Variants in RABGAP1L observed in about 807,000 individuals in gnomAD.
RABGAP1L encodes the protein RAB GTPase activating protein 1 like.
Under a neutral mutation model 137.7 loss-of-function variants are expected in RABGAP1L, and 63 were observed. The ratio of observed to expected loss-of-function variants is 0.46; its 90% CI spans 0.37 to 0.56. RABGAP1L has a LOEUF of 0.56. Among genes scored for constraint, RABGAP1L ranks in the 20% least tolerant of loss-of-function variants. The pLI, the probability that RABGAP1L is intolerant of heterozygous loss-of-function variation, is 0.00. For synonymous variants in RABGAP1L, 431 were observed against 433.7 expected, an observed-to-expected ratio of 0.99 and a Z score of 0.08; for missense variants, 1,095 against 1,244.0, an observed-to-expected ratio of 0.88 and a Z score of 1.80.
At chr1:174,675,016 A>C (rs1677502714) in intron 14 of RABGAP1L, among the ~76,000 whole-genome samples, 2 of 151,798 alleles carry the variant, frequency 1.3e-5, no homozygotes, top group South Asian at 4.1e-4. Flanking sequence ...AGGTTGCAAA[A>C]ATTTTCTCCC....
At chr1:174,623,235 A>G (rs1672675045) in intron 13 of RABGAP1L, among the ~76,000 whole-genome samples, 1 of 152,190 alleles carries the variant, frequency 6.6e-6, no homozygotes, top group Non-Finnish European at 1.5e-5. Context: ...TGATACGTAT[A>G]TCTAAATAGA....
At chr1:174,318,868 CCTT>C (rs1174934518) in intron 11 of RABGAP1L, among the ~76,000 whole-genome samples, 3 of 151,732 alleles carry the variant, frequency 2.0e-5, no homozygotes, top group Non-Finnish European at 4.4e-5. Context: ...CACTTCATCT[CCTT>C]CTCCCATATT....
chr1:174,751,542 C>T (rs1345999152), intron 17 of RABGAP1L, among the ~76,000 whole-genome samples: 3 of 152,184 alleles, frequency 2.0e-5, no homozygotes, highest in Non-Finnish European at 2.9e-5. Context: ...CATTTTGTAG[C>T]AAACATTTCT....
intron 1 of RABGAP1L, among the ~76,000 whole-genome samples, chr1:174,203,451 G>T (rs1464273290): frequency 1.3e-5 from 2 of 152,192 alleles, no homozygotes; most frequent in Middle Eastern, 3.4e-3. Context: ...TCTCTATTTT[G>T]TTCCATTGGT....
intron 13 of RABGAP1L, among the ~76,000 whole-genome samples, chr1:174,461,482 T>C (rs1371257456): frequency 6.6e-6 from 1 of 152,226 alleles, no homozygotes; most frequent in East Asian, 1.9e-4. Context: ...TCTTTATGTC[T>C]TTTACATCTC....
chr1:174,160,380 A>G (rs1664342449), intron 1 of RABGAP1L, among the ~76,000 whole-genome samples: 1 of 152,186 alleles, frequency 6.6e-6, no homozygotes, highest in South Asian at 2.1e-4. Context: ...AGGGCTGGGC[A>G]GTGCGTCAGC....
intron 19 of RABGAP1L, among the ~76,000 whole-genome samples, chr1:174,918,388 C>T (rs186870389): frequency 4.6e-4 from 70 of 152,238 alleles, no homozygotes; most frequent in Admixed American, 1.2e-3. Flanking sequence ...TTCCATAGCT[C>T]CAGTTATCTT....
At chr1:174,679,870 C>G (rs1367959315) in intron 14 of RABGAP1L, among the ~76,000 whole-genome samples, 1 of 152,150 alleles carries the variant, frequency 6.6e-6, no homozygotes, top group Non-Finnish European at 1.5e-5. Context: ...AGAATAAACT[C>G]TTTTGCAAAA....
intron 13 of RABGAP1L, among the ~76,000 whole-genome samples, chr1:174,457,317 GT>G (rs1656144467): frequency 6.6e-6 from 1 of 152,014 alleles, no homozygotes; most frequent in Admixed American, 6.6e-5. Flanking sequence ...TGCAGTGTAA[GT>G]AAAAGAAAAT....
chr1:174,189,247 C>T (rs1667032155), intron 1 of RABGAP1L, among the ~76,000 whole-genome samples: 2 of 152,250 alleles, frequency 1.3e-5, no homozygotes, highest in South Asian at 4.2e-4. Context: ...CTTTGTGATC[C>T]ACCCACCTCT....
rs755688394 is a variant in RABGAP1L at position 174,176,741 on chromosome 1, A to AAAAAAATAAAAT, written c.-34+17089_-34+17090insATAAAATAAAAA. On this transcript the variant is annotated intron_variant, in intron 1 of 25. Coordinates refer to ENST00000681986, the MANE Select transcript of RABGAP1L (RefSeq NM_001366446.1). ...AAAAAAAAAAAAAAAAAAAAAAAAA[A>AAAAAAATAAAAT]AAAAAGGTCAACATTTGTTAATACT... Among the ~76,000 whole-genome samples the AAAAAAATAAAAT allele has an allele frequency of 4.8e-3, 531 of 111,762 alleles. 4 individuals carry two copies. Among genetic ancestry groups the AAAAAAATAAAAT allele is most frequent in the Non-Finnish European group, 7.3e-3 (402 of 54,846 alleles). 73.3% of individuals were successfully genotyped at this position (111,762 alleles called of 152,430 possible).
intron 20 of RABGAP1L, among the ~76,000 whole-genome samples, chr1:174,967,262 C>A (rs1322125284): frequency 6.7e-6 from 1 of 150,080 alleles, no homozygotes; most frequent in African/African-American, 2.4e-5. Flanking sequence ...TTCCTGGGTT[C>A]AAGTGATTCT....
chr1:174,833,023 G>T (rs546076364), intron 19 of RABGAP1L, among the ~76,000 whole-genome samples: 104 of 152,162 alleles, frequency 6.8e-4, no homozygotes, highest in African/African-American at 2.4e-3. Flanking sequence ...AGGCTACTTG[G>T]CTAATAAATG....
At chr1:174,457,523 C>T (rs1463092735) in intron 13 of RABGAP1L, among the ~76,000 whole-genome samples, 1 of 145,860 alleles carries the variant, frequency 6.9e-6, no homozygotes, top group African/African-American at 2.6e-5. Context: ...GCTTTGTCAC[C>T]CAGGCTGGAG....
intron 17 of RABGAP1L, among the ~76,000 whole-genome samples, chr1:174,751,505 G>A (rs1329080664): frequency 1.3e-5 from 2 of 152,106 alleles, no homozygotes; most frequent in East Asian, 3.8e-4. Flanking sequence ...TCTTATGTAT[G>A]ATGACTTGCA....
At chr1:174,410,979 G>A (rs557480944) in intron 13 of RABGAP1L, among the ~76,000 whole-genome samples, 2 of 152,148 alleles carry the variant, frequency 1.3e-5, no homozygotes, top group South Asian at 4.2e-4. Flanking sequence ...TGTATTCCTA[G>A]GTATATTTTT....
chr1:174,219,410 A>G, intron 2 of RABGAP1L, 115 bp downstream of exon 2: 1 of 733,778 alleles, frequency 1.4e-6, no homozygotes, highest in Non-Finnish European at 2.0e-6. Flanking sequence ...AATAAAATCA[A>G]TGTTTGATTT....
chr1:174,907,537 A>T (rs1357619163), intron 19 of RABGAP1L, among the ~76,000 whole-genome samples: 1 of 151,420 alleles, frequency 6.6e-6, no homozygotes, highest in Non-Finnish European at 1.5e-5. Context: ...CTGGTCACAA[A>T]CTCCTGGACT....
chr1:174,573,890 C>T (rs1393675441), intron 13 of RABGAP1L, among the ~76,000 whole-genome samples: 3 of 152,148 alleles, frequency 2.0e-5, no homozygotes, highest in African/African-American at 7.2e-5. Context: ...AGTACTTGAA[C>T]TGAAATTTAG....
Sources: gnomAD v4.1 joint callset for allele counts (sites outside exome capture counted in the v4.1 genomes callset) on GRCh38, gnomAD v4.1.1 for gene constraint, MANE v1.5 for transcripts, NCBI Gene and HGNC (gene_info 2026-07-23, HGNC 2026-07-21) for gene names.